Variants in HSPA4 observed in about 807,000 individuals in gnomAD.
HSPA4 encodes the protein heat shock 70 kDa protein 4.
Under a neutral mutation model 106.2 loss-of-function variants are expected in HSPA4, and 25 were observed. The ratio of observed to expected loss-of-function variants is 0.24; its 90% CI spans 0.17 to 0.33. HSPA4 has a LOEUF of 0.33. HSPA4 is among the 10% of genes least tolerant of loss of function. The pLI is 1.00. For missense variants in HSPA4, 841 were observed against 996.0 expected (o/e 0.84, Z 2.10); for synonymous variants, 332 against 333.6 (o/e 1.00, Z 0.05).
intron 11 of HSPA4, 62 bp from the exon 12 acceptor site, chr5:133,091,131 A>G: frequency 7.5e-7 from 1 of 1,328,024 alleles, no homozygotes; most frequent in Non-Finnish European, 1.1e-6. Context: ...ATGTAGGCAT[A>G]TATTCATGCT....
rs773230327 is a variant in HSPA4, at chr5:133,089,126, T to C, written c.1209T>C (p.Ser403=). 1 of 1,601,528 alleles carries C rather than the reference T, an allele frequency of 6.2e-7. No homozygotes were observed. The highest frequency in any genetic ancestry group is 8.5e-7 in the Non-Finnish European group (1 of 1,173,146). ...SITDVVPYPI[S]LRWNSPAEEG... Reference sequence around the variant, plus strand: ...CTGATGTAGTACCATATCCAATATCTCTGAGATGGAATTCTCCAGCTGAAG... The same window carrying C: ...CTGATGTAGTACCATATCCAATATCCCTGAGATGGAATTCTCCAGCTGAAG... The change falls in exon 10 of 19, where the codon TCT becomes TCC. Residue 403 remains serine (S), a synonymous_variant. Transcript: ENST00000304858.
At chr5:133,089,247 T>A in intron 10 of HSPA4, 86 bp downstream of exon 10, 1 of 761,492 alleles carries the variant, frequency 1.3e-6, no homozygotes, top group Non-Finnish European at 2.1e-6. Flanking sequence ...TCAGTTTACA[T>A]AAATCTGTAA....
chr5:133,097,395 G>T, intron 15 of HSPA4, 109 bp downstream of exon 15: 1 of 983,792 alleles, frequency 1.0e-6, no homozygotes, highest in Non-Finnish European at 1.4e-6. Flanking sequence ...TATTAAAAAT[G>T]GAGTTTTTCT....
intron 17 of HSPA4, among the ~76,000 whole-genome samples, chr5:133,102,896 C>A (rs1003892348): frequency 7.7e-6 from 1 of 129,414 alleles, no homozygotes; most frequent in Non-Finnish European, 1.6e-5. Flanking sequence ...CGTACCACCA[C>A]ACCCAACTAG....
At chr5:133,062,368 T>G (rs1320750998) in intron 1 of HSPA4, among the ~76,000 whole-genome samples, 5 of 152,174 alleles carry the variant, frequency 3.3e-5, no homozygotes, top group Non-Finnish European at 1.5e-5. Flanking sequence ...CTTTTAGTTA[T>G]GTTGTGATTG....
In HSPA4 at chr5:133,088,985, G is replaced by T; in HGVS notation, c.1138-70G>T. ...ATTGATTTTCTGAAGTAATTTGTATGTTTAAGTGATATTATCAGTTTATAT... is the reference window on the plus strand; with the variant it reads ...ATTGATTTTCTGAAGTAATTTGTATTTTTAAGTGATATTATCAGTTTATAT... On this transcript the variant is annotated intron_variant, in intron 9 of 18. Coordinates refer to ENST00000304858, the MANE Select transcript of HSPA4 (RefSeq NM_002154.4). 10 of 718,432 alleles carry T rather than the reference G, an allele frequency of 1.4e-5. No individual in the cohort carries two copies. In the South Asian group the frequency reaches 1.8e-4, roughly 13 times the overall value. 44.5% of individuals were successfully genotyped at this position (718,432 alleles called of 1,614,324 possible).
chr5:133,068,695 G>A (rs376678060), intron 3 of HSPA4, among the ~76,000 whole-genome samples: 4 of 152,126 alleles, frequency 2.6e-5, no homozygotes, highest in African/African-American at 9.7e-5. Flanking sequence ...AAAAGATGAA[G>A]CTGAAGCACA....
chr5:133,092,814 T>TGTTTTTTTTTTG (rs1561585058), intron 13 of HSPA4, 25 bp downstream of exon 13: 1 of 690,422 alleles, frequency 1.4e-6, no homozygotes, highest in African/African-American at 4.9e-5. Flanking sequence ...GTGTTTTTTT[T>TGTTTTTTTTTTG]TTTTTTTTTT....
chr5:133,066,687 C>A (rs988013534), intron 2 of HSPA4, among the ~76,000 whole-genome samples: 1 of 150,550 alleles, frequency 6.6e-6, no homozygotes, highest in Non-Finnish European at 1.5e-5. Context: ...TTTTTTTTTC[C>A]CCTTTATGAG....
At chr5:133,055,778 A>G (rs545049348) in intron 1 of HSPA4, among the ~76,000 whole-genome samples, 2 of 152,244 alleles carry the variant, frequency 1.3e-5, no homozygotes, top group African/African-American at 4.8e-5. Context: ...AGCGGGTCTA[A>G]TTTAAATTGG....
intron 7 of HSPA4, among the ~76,000 whole-genome samples, chr5:133,083,631 G>A (rs1458350162): frequency 8.6e-5 from 13 of 151,872 alleles, no homozygotes; most frequent in African/African-American, 2.9e-4. Context: ...TCCGCCTCCC[G>A]GGTTCAAGTG....
chr5:133,098,047 GT>G (rs1028680096), intron 15 of HSPA4, among the ~76,000 whole-genome samples: 2 of 151,812 alleles, frequency 1.3e-5, no homozygotes, highest in Non-Finnish European at 2.9e-5. Flanking sequence ...TAAGATGGTA[GT>G]TTTTTTATCC....
At chr5:133,071,023 A>G (rs1285007848) in intron 4 of HSPA4, among the ~76,000 whole-genome samples, 3 of 152,094 alleles carry the variant, frequency 2.0e-5, no homozygotes, top group East Asian at 1.9e-4. Context: ...TTCAAGGTGC[A>G]TTCATCTCAG....
chr5:133,071,085 G>A (rs924823272), intron 4 of HSPA4, among the ~76,000 whole-genome samples: 1 of 151,866 alleles, frequency 6.6e-6, no homozygotes, highest in African/African-American at 2.4e-5. Context: ...GCACAGGGTA[G>A]CCACTCATTT....
Position 133,106,293 on chromosome 5 carries a change from A to G in HSPA4, c.*1857A>G, listed in dbSNP as rs1161736109. 6.6e-6 allele frequency: 1 copy of G among 151,172 alleles called. No homozygotes were observed. The highest frequency in any genetic ancestry group is 1.9e-4 in the East Asian group (1 of 5,150). 9.4% of individuals were successfully genotyped at this position (151,172 alleles called of 1,614,324 possible). ...ATGGAGGCCAGGACAGAGAGTGGTA[A>G]TTGATGGCTTGTGTACAGACAAGCA... On this transcript the variant is annotated 3_prime_UTR_variant, in exon 19 of 19. Transcript: ENST00000304858.
In HSPA4 at chr5:133,096,165, A is replaced by G. The variant is rs1765708937; in HGVS notation, c.1718A>G (p.Lys573Arg). ...CCCCAAGCCAAGAAGGCAAAAGTGA[A>G]GACCAGTACTGTGGACCTGCCAATC... ...QPPQAKKAKV[K>R]TSTVDLPIEN... is the part of the protein sequence containing the mutation. Residue 573 changes from lysine to arginine, a missense_variant, in exon 14 of 19, where the codon AAG becomes AGG. Physicochemically the swap from Lys to Arg is conservative, Grantham distance 26. Coordinates refer to ENST00000304858, the MANE Select transcript of HSPA4 (RefSeq NM_002154.4). The G allele has an allele frequency of 6.2e-7, 1 of 1,614,086 alleles. No individual in the cohort carries two copies. Among genetic ancestry groups the G allele is most frequent in the South Asian group, 1.1e-5 (1 of 91,082 alleles).
At chr5:133,089,724 A>G (rs1254724115) in intron 11 of HSPA4, 29 bp downstream of exon 11, 2 of 539,004 alleles carry the variant, frequency 3.7e-6, no homozygotes, top group South Asian at 4.4e-5. Context: ...ATTAAAAAAG[A>G]AAAAAAAAAA....
At chr5:133,081,046 T>G (rs1765508442) in intron 7 of HSPA4, among the ~76,000 whole-genome samples, 1 of 152,152 alleles carries the variant, frequency 6.6e-6, no homozygotes, top group Non-Finnish European at 1.5e-5. Context: ...CTCTATAGAT[T>G]TGCCTGTTCT....
At chr5:133,096,593 T>C (rs1193042028) in intron 14 of HSPA4, among the ~76,000 whole-genome samples, 2 of 152,224 alleles carry the variant, frequency 1.3e-5, no homozygotes, top group Admixed American at 1.3e-4. Flanking sequence ...ATGGAAGTTA[T>C]TCAGTAGGAG....
Sources: allele counts gnomAD v4.1 joint callset (sites outside exome capture counted in the v4.1 genomes callset), GRCh38; gene constraint gnomAD v4.1.1; transcripts MANE v1.5; gene names NCBI Gene and HGNC (gene_info 2026-07-23, HGNC 2026-07-21).